The following MNAT1 variants were observed in gnomAD, a reference collection of about 807,000 sequenced individuals.
MNAT1 encodes CDK-activating kinase assembly factor MAT1.
Under a neutral mutation model 42.0 loss-of-function variants are expected in MNAT1, and 43 were observed. The ratio of observed to expected loss-of-function variants is 1.02; its 90% CI spans 0.80 to 1.32. The LOEUF (loss-of-function observed/expected upper bound fraction) is 1.32. Among genes scored for constraint, MNAT1 ranks in the 40% most tolerant of loss-of-function variants. The probability of loss-of-function intolerance (pLI) is 0.00; values close to 1 mark genes in which losing one functional copy is unlikely to be tolerated. For missense variants in MNAT1, 306 were observed against 350.4 expected, an observed-to-expected ratio of 0.87 and a Z score of 1.01; for synonymous variants, 118 against 120.0, an observed-to-expected ratio of 0.98 and a Z score of 0.11.
At position 60,857,037 on chromosome 14, in the gene MNAT1, T is replaced by G. The variant is rs577445564; in HGVS notation, c.688-22677T>G. Among the ~76,000 whole-genome samples the G allele has an allele frequency of 2.8e-4, 43 of 152,340 alleles. 1 individual carries two copies. The highest frequency in any genetic ancestry group is 1.0e-3 in the African/African-American group (43 of 41,584). ...AGAATTTTGCTAAATTTACTCCACC[T>G]GTGCTCTAAAATGGGCGCAACCAAG... is the stretch of plus-strand genomic sequence containing the variant. On this transcript the variant is annotated intron_variant, in intron 6 of 7. Transcript: ENST00000261245.
In MNAT1 at chr14:60,882,418, C is replaced by G. The variant is rs192652242; in HGVS notation, c.809+2583C>G. 6.6e-5 allele frequency among the ~76,000 whole-genome samples: 10 copies of G among 152,170 alleles called. No homozygotes were observed. The East Asian group carries it at 1.7e-3, about 26-fold the overall frequency. On this transcript the variant is annotated intron_variant, in intron 7 of 7. Coordinates refer to ENST00000261245, the MANE Select transcript of MNAT1 (RefSeq NM_002431.4). Reference sequence around the variant, plus strand: ...TGTTTCAAATGACAGGATCGCATACCTTTTTTATGGCTGAATAATACTCCA... The same window carrying G: ...TGTTTCAAATGACAGGATCGCATACGTTTTTTATGGCTGAATAATACTCCA...
At chr14:60,813,754 G>A (rs1330635583) in intron 5 of MNAT1, among the ~76,000 whole-genome samples, 1 of 152,058 alleles carries the variant, frequency 6.6e-6, no homozygotes, top group African/African-American at 2.4e-5. Context: ...TAAGAATTAT[G>A]AAAATGACTT....
At chr14:60,743,582 C>T (rs1896535044) in intron 1 of MNAT1, among the ~76,000 whole-genome samples, 1 of 152,224 alleles carries the variant, frequency 6.6e-6, no homozygotes, top group Non-Finnish European at 1.5e-5. Context: ...AGCCACTGCG[C>T]CCAGCTCCTT....
chr14:60,827,402 G>A (rs946145697), intron 6 of MNAT1, among the ~76,000 whole-genome samples: 2 of 152,166 alleles, frequency 1.3e-5, no homozygotes, highest in Admixed American at 1.3e-4. Context: ...GTATTTAGCT[G>A]TTCGCTTTCA....
At chr14:60,739,846 C>T (rs1191387765) in intron 1 of MNAT1, among the ~76,000 whole-genome samples, 2 of 152,178 alleles carry the variant, frequency 1.3e-5, no homozygotes, top group Non-Finnish European at 2.9e-5. Flanking sequence ...TCTCATTTAA[C>T]TACAGCCTTT....
At chr14:60,900,034 C>T (rs1186079785) in intron 7 of MNAT1, among the ~76,000 whole-genome samples, 1 of 146,108 alleles carries the variant, frequency 6.8e-6, no homozygotes, top group Non-Finnish European at 1.5e-5. Flanking sequence ...GTTCTTCTGA[C>T]TGGCTGTTTC....
At chr14:60,895,809 C>T (rs1003649990) in intron 7 of MNAT1, among the ~76,000 whole-genome samples, 2 of 152,028 alleles carry the variant, frequency 1.3e-5, no homozygotes, top group East Asian at 1.9e-4. Flanking sequence ...ATCTCGTTTC[C>T]GTTTTCCAAT....
rs992714307 is a variant in MNAT1 at position 60,898,171 on chromosome 14, C to G, written c.809+18336C>G. Among the ~76,000 whole-genome samples the G allele has an allele frequency of 9.4e-5, 14 of 148,804 alleles. No homozygotes were observed. The Admixed American group carries it at 9.5e-4, about 10-fold the overall frequency. The stretch of plus-strand genomic sequence containing the variant: ...CGCCACATTTTTTTAATCCATTTGT[C>G]CATAGATGGATACTTAGATTGATTC... On this transcript the variant is annotated intron_variant, in intron 7 of 7. Transcript: ENST00000261245.
intron 7 of MNAT1, among the ~76,000 whole-genome samples, chr14:60,908,444 T>A (rs991630123): frequency 7.9e-5 from 12 of 152,140 alleles, no homozygotes; most frequent in Admixed American, 6.6e-5. Flanking sequence ...TAACATTAGG[T>A]ATATCTTCTA....
intron 7 of MNAT1, among the ~76,000 whole-genome samples, chr14:60,920,591 C>T (rs1430820108): frequency 1.3e-5 from 2 of 152,086 alleles, no homozygotes; most frequent in African/African-American, 2.4e-5. Flanking sequence ...TACAGGCCCA[C>T]CACTGTGCCC....
chr14:60,743,064 A>G (rs535713868), intron 1 of MNAT1, among the ~76,000 whole-genome samples: 9 of 152,316 alleles, frequency 5.9e-5, no homozygotes, highest in South Asian at 2.1e-4. Context: ...TTGTTTTCCA[A>G]TGTGGCTGTA....
intron 7 of MNAT1, among the ~76,000 whole-genome samples, chr14:60,926,717 AT>A (rs1362387909): frequency 6.6e-6 from 1 of 152,104 alleles, no homozygotes; most frequent in East Asian, 1.9e-4. Flanking sequence ...GTCATTTTGG[AT>A]TTTTATGAAG....
intron 7 of MNAT1, among the ~76,000 whole-genome samples, chr14:60,937,014 T>C (rs1369585963): frequency 2.6e-5 from 4 of 151,604 alleles, no homozygotes; most frequent in Non-Finnish European, 5.9e-5. Context: ...TTTGGCTGCA[T>C]AAATGTCTTC....
chr14:60,834,976 CCTACCTTG>C, intron 6 of MNAT1, among the ~76,000 whole-genome samples: 1 of 148,310 alleles, frequency 6.7e-6, no homozygotes, highest in East Asian at 2.0e-4. Flanking sequence ...TTCCTTCCTT[CCTACCTTG>C]CTCCCGCCCT....
At chr14:60,934,220 C>T (rs1594888015) in intron 7 of MNAT1, among the ~76,000 whole-genome samples, 1 of 152,256 alleles carries the variant, frequency 6.6e-6, no homozygotes, top group East Asian at 1.9e-4. Context: ...AGTGATAAAC[C>T]TTGTCAAAGG....
intron 6 of MNAT1, among the ~76,000 whole-genome samples, chr14:60,869,040 A>ATATATATATATATATATATTTTT (rs1465360826): frequency 2.7e-4 from 31 of 113,016 alleles, no homozygotes; most frequent in Non-Finnish European, 4.8e-4. Context: ...ATATATATAT[A>ATATATATATATATATATATTTTT]TTTTTTTTTT....
At chr14:60,958,888 C>A (rs1303963228) in intron 7 of MNAT1, among the ~76,000 whole-genome samples, 2 of 152,110 alleles carry the variant, frequency 1.3e-5, no homozygotes, top group Non-Finnish European at 2.9e-5. Flanking sequence ...ATCTGCCTGC[C>A]TCGGCCTCCC....
intron 7 of MNAT1, among the ~76,000 whole-genome samples, chr14:60,936,804 G>C (rs1237239381): frequency 6.6e-6 from 1 of 152,182 alleles, no homozygotes. Flanking sequence ...TTGCCACACC[G>C]ACTTCCACAG....
At chr14:60,748,184 G>A (rs975687342) in intron 1 of MNAT1, among the ~76,000 whole-genome samples, 3 of 151,450 alleles carry the variant, frequency 2.0e-5, no homozygotes, top group African/African-American at 7.3e-5. Context: ...ACAACAGAGC[G>A]AGACTCTGTC....
Sources: allele counts gnomAD v4.1 joint callset (sites outside exome capture counted in the v4.1 genomes callset), GRCh38; gene constraint gnomAD v4.1.1; transcripts MANE v1.5; gene names NCBI Gene and HGNC (gene_info 2026-07-23, HGNC 2026-07-21).